FRAS1: variants seen among roughly 807,000 people sequenced by gnomAD.
FRAS1 encodes the protein extracellular matrix organizing protein FRAS1.
In FRAS1, 290 loss-of-function variants were observed where a neutral mutation model predicts 435.2. That is an observed-to-expected ratio of 0.67 (90% CI 0.61 to 0.73). FRAS1 has a LOEUF of 0.73. Among genes scored for constraint, FRAS1 ranks in the 30% least tolerant of loss-of-function variants. The pLI, the probability that FRAS1 is intolerant of heterozygous loss-of-function variation, is 0.00. For synonymous variants in FRAS1, 1,800 were observed against 1,851.0 expected (o/e 0.97, Z 0.71); for missense variants, 4,860 against 5,001.5 (o/e 0.97, Z 0.85).
chr4:78,226,054 A>C (rs758650737), intron 2 of FRAS1, among the ~76,000 whole-genome samples: 1 of 152,088 alleles, frequency 6.6e-6, no homozygotes, highest in Non-Finnish European at 1.5e-5. Flanking sequence ...CACTTTTACT[A>C]TTCCTTTAGT....
chr4:78,371,066 C>T (rs1731482081), intron 23 of FRAS1, among the ~76,000 whole-genome samples: 1 of 149,560 alleles, frequency 6.7e-6, no homozygotes, highest in South Asian at 2.1e-4. Flanking sequence ...TGCTCGAGAC[C>T]ACAGAATTTT....
At chr4:78,096,239 G>T (rs776361466) in intron 2 of FRAS1, among the ~76,000 whole-genome samples, 1 of 152,240 alleles carries the variant, frequency 6.6e-6, no homozygotes, top group Non-Finnish European at 1.5e-5. Flanking sequence ...TGATGCAAGA[G>T]GGGGGTTCCC....
At chr4:78,104,280 T>G (rs1578125509) in intron 2 of FRAS1, among the ~76,000 whole-genome samples, 1 of 152,346 alleles carries the variant, frequency 6.6e-6, no homozygotes, top group East Asian at 1.9e-4. Context: ...CTTTGGCAAT[T>G]ATAATGTTAA....
rs144587212 is a variant in FRAS1 at position 78,438,815 on chromosome 4, T to G, written c.5367-87T>G. The G allele has an allele frequency of 4.3e-5, 64 of 1,492,386 alleles. No homozygotes were observed. In the African/African-American group the frequency reaches 8.1e-4, roughly 19 times the overall value. 92.4% of individuals were successfully genotyped at this position (1,492,386 alleles called of 1,614,324 possible). ...AGCTCTGTTGAAAGAATATATTGGT[T>G]TGGCCCCATTTTTAAACAAAGATGC... is the stretch of plus-strand genomic sequence containing the variant. On this transcript the variant is annotated intron_variant, in intron 39 of 73. Transcript: ENST00000512123.
chr4:78,471,237 A>G (rs866861207), intron 51 of FRAS1, among the ~76,000 whole-genome samples: 4 of 152,182 alleles, frequency 2.6e-5, no homozygotes, highest in Admixed American at 2.0e-4. Flanking sequence ...TCTTCAGTTG[A>G]GAACTGGTTT....
intron 2 of FRAS1, among the ~76,000 whole-genome samples, chr4:78,124,000 C>T (rs563253176): frequency 2.6e-5 from 4 of 152,318 alleles, no homozygotes; most frequent in South Asian, 4.1e-4. Context: ...CTGGCCAGAA[C>T]TTCCAATACT....
At chr4:78,428,404 GCTCCGC>G (rs1420163076) in intron 35 of FRAS1, among the ~76,000 whole-genome samples, 2 of 152,010 alleles carry the variant, frequency 1.3e-5, no homozygotes, top group Admixed American at 1.3e-4. Flanking sequence ...CTCACTGCAA[GCTCCGC>G]CTCCCAGGTT....
intron 2 of FRAS1, among the ~76,000 whole-genome samples, chr4:78,074,011 C>A (rs1429512955): frequency 6.6e-6 from 1 of 152,150 alleles, no homozygotes; most frequent in Non-Finnish European, 1.5e-5. Flanking sequence ...AGGAGAGGGA[C>A]AAGCTTTCAC....
chr4:78,192,643 C>T (rs1186258016), intron 2 of FRAS1, among the ~76,000 whole-genome samples: 1 of 151,890 alleles, frequency 6.6e-6, no homozygotes, highest in African/African-American at 2.4e-5. Flanking sequence ...TTTTAGTACG[C>T]CTATTTGATT....
At chr4:78,111,609 G>A (rs1367461177) in intron 2 of FRAS1, among the ~76,000 whole-genome samples, 2 of 101,016 alleles carry the variant, frequency 2.0e-5, no homozygotes, top group East Asian at 3.1e-4. Context: ...TGGTGGGGTC[G>A]GGGGAGGGGG....
chr4:78,134,244 C>T (rs938404766), intron 2 of FRAS1, among the ~76,000 whole-genome samples: 1 of 152,100 alleles, frequency 6.6e-6, no homozygotes, highest in East Asian at 1.9e-4. Flanking sequence ...TGAGCCTTAT[C>T]GGGATTTGTG....
chr4:78,179,993 A>C (rs1195048034), intron 2 of FRAS1, among the ~76,000 whole-genome samples: 1 of 152,230 alleles, frequency 6.6e-6, no homozygotes, highest in Non-Finnish European at 1.5e-5. Flanking sequence ...TATTCAGCCA[A>C]CCGACACTTA....
At chr4:78,538,894 G>A (rs1292736455) in intron 72 of FRAS1, among the ~76,000 whole-genome samples, 3 of 150,842 alleles carry the variant, frequency 2.0e-5, no homozygotes, top group African/African-American at 7.3e-5. Context: ...GGTGGAGCCA[G>A]CAGTGAGCTG....
chr4:78,471,743 A>G (rs1414475553), intron 51 of FRAS1, among the ~76,000 whole-genome samples: 4 of 152,178 alleles, frequency 2.6e-5, no homozygotes, highest in East Asian at 1.9e-4. Context: ...CTCTATTTCA[A>G]GTATCATAAT....
intron 2 of FRAS1, among the ~76,000 whole-genome samples, chr4:78,111,895 A>T (rs1406387819): frequency 6.6e-6 from 1 of 152,152 alleles, no homozygotes; most frequent in East Asian, 1.9e-4. Flanking sequence ...TGAGAAAAGC[A>T]GGCTTACTGC....
chr4:78,526,749 C>A, intron 70 of FRAS1, 92 bp downstream of exon 70: 1 of 778,418 alleles, frequency 1.3e-6, no homozygotes, highest in Non-Finnish European at 2.0e-6. Flanking sequence ...CCCAAATCAA[C>A]ATGGTGCTTT....
intron 20 of FRAS1, among the ~76,000 whole-genome samples, chr4:78,342,186 A>G (rs1434302760): frequency 6.6e-6 from 1 of 152,220 alleles, no homozygotes; most frequent in African/African-American, 2.4e-5. Context: ...TGTATGTCCA[A>G]GCGCCTCCAG....
At chr4:78,290,488 G>A (rs1443011739) in intron 14 of FRAS1, among the ~76,000 whole-genome samples, 2 of 149,660 alleles carry the variant, frequency 1.3e-5, no homozygotes, top group Non-Finnish European at 3.0e-5. Context: ...AGGGAGTCGC[G>A]CTCTGTCATC....
intron 2 of FRAS1, among the ~76,000 whole-genome samples, chr4:78,223,765 C>A (rs932730466): frequency 3.3e-5 from 5 of 152,028 alleles, no homozygotes; most frequent in African/African-American, 1.2e-4. Context: ...TATTTATTAT[C>A]TCTGACTTAG....
Sources: allele counts gnomAD v4.1 joint callset (sites outside exome capture counted in the v4.1 genomes callset), GRCh38; gene constraint gnomAD v4.1.1; transcripts MANE v1.5; gene names NCBI Gene and HGNC (gene_info 2026-07-23, HGNC 2026-07-21).